HACE1: variants seen among roughly 807,000 people sequenced by gnomAD.
The protein encoded by HACE1 is HECT domain and ankyrin repeat containing E3 ubiquitin protein ligase 1.
HACE1 carries 73 observed loss-of-function variants against 118.4 expected under a neutral mutation model. The ratio of observed to expected loss-of-function variants is 0.62; its 90% CI spans 0.51 to 0.75. The LOEUF is 0.75. Among genes scored for constraint, HACE1 ranks in the 30% least tolerant of loss-of-function variants. HACE1 has a pLI of 0.00. For synonymous variants in HACE1, 368 were observed against 374.8 expected (o/e 0.98, Z 0.21); for missense variants, 749 against 1,102.2 (o/e 0.68, Z 4.54).
chr6:104,781,493 A>G (rs991088987), intron 14 of HACE1, among the ~76,000 whole-genome samples: 1 of 152,208 alleles, frequency 6.6e-6, no homozygotes, highest in Non-Finnish European at 1.5e-5. Context: ...ACATGTATCT[A>G]TGTAAATTTA....
At position 104,796,936 on chromosome 6, in the gene HACE1, C is replaced by T; in HGVS notation, c.707G>A (p.Cys236Tyr). ...DKNGVTPLDL[C>Y]VQGGYGETCE... Reference sequence around the variant, plus strand: ...TATAAATGAAAAACACACCTGTACACATAAATCCAGAGGAGTTACTCCATT... The same window carrying T: ...TATAAATGAAAAACACACCTGTACATATAAATCCAGAGGAGTTACTCCATT... The change falls in exon 8 of 24, where the codon TGT becomes TAT. Residue 236 changes from cysteine (C) to tyrosine (Y), a missense_variant. Transcript: ENST00000262903. 1 of 1,540,418 alleles carries T rather than the reference C, an allele frequency of 6.5e-7. No individual in the cohort carries two copies. The highest frequency in any genetic ancestry group is 9.0e-7 in the Non-Finnish European group (1 of 1,112,934).
At chr6:104,794,642 G>A (rs553250100) in intron 10 of HACE1, among the ~76,000 whole-genome samples, 9 of 152,348 alleles carry the variant, frequency 5.9e-5, no homozygotes, top group African/African-American at 1.9e-4. Context: ...ATTGGCGCAC[G>A]CCTGTAATCC....
chr6:104,738,377 G>A (rs1364435122), intron 22 of HACE1, among the ~76,000 whole-genome samples: 4 of 149,612 alleles, frequency 2.7e-5, no homozygotes, highest in Admixed American at 1.3e-4. Flanking sequence ...TCTGAGCTAC[G>A]GGAGGACATT....
intron 1 of HACE1, among the ~76,000 whole-genome samples, chr6:104,859,117 A>AT (rs1459988178): frequency 1.3e-5 from 2 of 152,246 alleles, no homozygotes; most frequent in African/African-American, 4.8e-5. Context: ...AGTGCCCCAC[A>AT]TTTTAAAAAA....
chr6:104,780,186 A>G (rs2114765905), intron 14 of HACE1, among the ~76,000 whole-genome samples: 1 of 152,292 alleles, frequency 6.6e-6, no homozygotes, highest in African/African-American at 2.4e-5. Flanking sequence ...TATCTATGAA[A>G]TGTGAACCAA....
In HACE1 at chr6:104,734,642, C is replaced by T. The variant is rs147526353; in HGVS notation, c.2514-4226G>A. On this transcript the variant is annotated intron_variant, in intron 22 of 23. Coordinates refer to ENST00000262903, the MANE Select transcript of HACE1 (RefSeq NM_020771.4). ...TGTTTCCCCTCAGCTTCCTTGGCTT[C>T]TACTCTTCACCCACATCTTTCACCT... 2.2e-4 allele frequency among the ~76,000 whole-genome samples: 34 copies of T among 152,280 alleles called. No homozygotes were observed. The East Asian group carries it at 6.2e-3, about 28-fold the overall frequency.
chr6:104,799,903 G>A (rs1015299566), intron 7 of HACE1, among the ~76,000 whole-genome samples: 1 of 134,160 alleles, frequency 7.5e-6, no homozygotes, highest in Non-Finnish European at 1.6e-5. Context: ...AGCCCACGGA[G>A]GGTGAGCACC....
chr6:104,842,135 C>T (rs1201820496), intron 5 of HACE1, among the ~76,000 whole-genome samples: 1 of 152,088 alleles, frequency 6.6e-6, no homozygotes, highest in African/African-American at 2.4e-5. Context: ...CAGGACCCCA[C>T]CTCTACAAAA....
chr6:104,831,958 G>GAGAAC, intron 6 of HACE1, among the ~76,000 whole-genome samples: 1 of 91,642 alleles, frequency 1.1e-5, no homozygotes, highest in Non-Finnish European at 2.2e-5. Flanking sequence ...GAGAAGAGAA[G>GAGAAC]AGAAGAGAAG....
At chr6:104,849,336 C>G in intron 3 of HACE1, 90 bp from the exon 4 acceptor site, 1 of 856,808 alleles carries the variant, frequency 1.2e-6, no homozygotes. Flanking sequence ...TTCTATTAAA[C>G]ACAATTTTCT....
chr6:104,844,614 G>A (rs942506581), intron 4 of HACE1, among the ~76,000 whole-genome samples: 7 of 147,464 alleles, frequency 4.7e-5, no homozygotes, highest in Non-Finnish European at 8.9e-5. Context: ...GCCTCCCAAA[G>A]TGCTGGGATT....
intron 14 of HACE1, among the ~76,000 whole-genome samples, chr6:104,777,576 G>A (rs996740217): frequency 1.3e-5 from 2 of 151,944 alleles, no homozygotes; most frequent in African/African-American, 4.8e-5. Context: ...GATAAATTTG[G>A]TTATGTCTCA....
intron 22 of HACE1, among the ~76,000 whole-genome samples, chr6:104,740,018 CA>C (rs1392296679): frequency 6.6e-6 from 1 of 152,016 alleles, no homozygotes; most frequent in African/African-American, 2.4e-5. Context: ...GAAACTCACT[CA>C]AAACCACTCA....
At chr6:104,763,815 C>T (rs1169634951) in intron 19 of HACE1, among the ~76,000 whole-genome samples, 12 of 152,022 alleles carry the variant, frequency 7.9e-5, no homozygotes, top group African/African-American at 1.2e-4. Flanking sequence ...TTTGGGAGGC[C>T]GAGGTGGGCA....
intron 20 of HACE1, among the ~76,000 whole-genome samples, chr6:104,749,189 C>T (rs1193254794): frequency 2.6e-5 from 4 of 151,960 alleles, no homozygotes; most frequent in Non-Finnish European, 5.9e-5. Context: ...TAATTTAATC[C>T]AAGCACAGTA....
At chr6:104,806,057 G>C (rs941628618) in intron 7 of HACE1, among the ~76,000 whole-genome samples, 5 of 152,046 alleles carry the variant, frequency 3.3e-5, no homozygotes, top group African/African-American at 1.2e-4. Flanking sequence ...AACAAAAAAG[G>C]ATAATCAGCA....
In HACE1 at chr6:104,784,868, C is replaced by A. The variant is rs186344750; in HGVS notation, c.1409+117G>T. ...CTAGATTAGTATGAGTATCTTAAAA[C>A]AAGGAGAAAACTTTAAATCAACAAA... is the stretch of plus-strand genomic sequence containing the variant. On this transcript the variant is annotated intron_variant, in intron 12 of 23. Coordinates refer to ENST00000262903, the MANE Select transcript of HACE1 (RefSeq NM_020771.4). The A allele has an allele frequency of 3.0e-3, 2,161 of 724,562 alleles. 4 individuals are homozygous for A. The highest frequency in any genetic ancestry group is 4.0e-3 in the Non-Finnish European group (1,669 of 420,344). 44.9% of individuals were successfully genotyped at this position (724,562 alleles called of 1,614,324 possible).
chr6:104,781,721 A>G (rs560129610), intron 14 of HACE1, among the ~76,000 whole-genome samples: 1 of 152,212 alleles, frequency 6.6e-6, no homozygotes, highest in South Asian at 2.1e-4. Context: ...ATCAGCTGCA[A>G]CCACCGCCAA....
intron 7 of HACE1, among the ~76,000 whole-genome samples, chr6:104,801,092 C>A (rs943415187): frequency 1.3e-5 from 2 of 151,908 alleles, no homozygotes; most frequent in African/African-American, 4.8e-5. Context: ...ATAGCCGATT[C>A]GATCAAGTGG....
Sources: allele counts gnomAD v4.1 joint callset (sites outside exome capture counted in the v4.1 genomes callset), GRCh38; gene constraint gnomAD v4.1.1; transcripts MANE v1.5; gene names NCBI Gene and HGNC (gene_info 2026-07-23, HGNC 2026-07-21).